Variants in CNTN3 observed in about 807,000 individuals in gnomAD.
CNTN3 encodes contactin-3.
CNTN3 carries 60 observed loss-of-function variants against 119.1 expected under a neutral mutation model. The observed-to-expected ratio is 0.50, with a 90% CI of 0.41 to 0.62. The LOEUF is 0.62. Ranked by LOEUF, CNTN3 falls within the 20% of genes least tolerant of loss-of-function variation. CNTN3 has a pLI of 0.00. For synonymous variants in CNTN3, 450 were observed against 438.7 expected, an observed-to-expected ratio of 1.03 and a Z score of -0.32; for missense variants, 1,101 against 1,242.4, an observed-to-expected ratio of 0.89 and a Z score of 1.71.
chr3:74,430,189 A>C (rs1291779277), intron 4 of CNTN3, among the ~76,000 whole-genome samples: 2 of 152,216 alleles, frequency 1.3e-5, no homozygotes, highest in Non-Finnish European at 2.9e-5. Flanking sequence ...AAATCTGTAC[A>C]TAAAAGTTCG....
chr3:74,294,792 T>C lies in CNTN3; in HGVS notation c.2517+329A>G, dbSNP rs187048840. Reference sequence around the variant, plus strand: ...AGACAAAGAGCTGGAGGACAGTGACTTCCTGTTGATGAAAGTACTCTATGA... The same window carrying C: ...AGACAAAGAGCTGGAGGACAGTGACCTCCTGTTGATGAAAGTACTCTATGA... On this transcript the variant is annotated intron_variant, in intron 19 of 22. Transcript: ENST00000263665. Among the ~76,000 whole-genome samples the C allele has an allele frequency of 8.5e-4, 130 of 152,246 alleles. 2 individuals are homozygous for C. Among genetic ancestry groups the C allele is most frequent in the African/African-American group, 3.0e-3 (123 of 41,566 alleles).
At chr3:74,605,916 G>C (rs1704983636) in intron 1 of CNTN3, among the ~76,000 whole-genome samples, 1 of 152,094 alleles carries the variant, frequency 6.6e-6, no homozygotes, top group African/African-American at 2.4e-5. Context: ...AGGTATTGTG[G>C]CCACCATCTT....
At chr3:74,287,245 G>T (rs945823335) in intron 19 of CNTN3, among the ~76,000 whole-genome samples, 1 of 152,060 alleles carries the variant, frequency 6.6e-6, no homozygotes, top group Non-Finnish European at 1.5e-5. Context: ...TTTTATTTGG[G>T]TAAGTAAACA....
At chr3:74,497,156 G>A (rs1479144756) in intron 3 of CNTN3, among the ~76,000 whole-genome samples, 1 of 151,828 alleles carries the variant, frequency 6.6e-6, no homozygotes, top group Non-Finnish European at 1.5e-5. Flanking sequence ...CATGTAAAAA[G>A]ATCCACCATA....
intron 2 of CNTN3, among the ~76,000 whole-genome samples, chr3:74,520,803 G>C (rs1198805493): frequency 2.0e-5 from 3 of 151,298 alleles, no homozygotes. Flanking sequence ...TAATACCAAA[G>C]CATAATATTA....
At chr3:74,463,087 A>T (rs1006897360) in intron 4 of CNTN3, among the ~76,000 whole-genome samples, 6 of 152,108 alleles carry the variant, frequency 3.9e-5, no homozygotes, top group Admixed American at 2.0e-4. Context: ...TTAAAGGATT[A>T]TTAATTTAAA....
intron 5 of CNTN3, among the ~76,000 whole-genome samples, chr3:74,387,881 TACA>T (rs1189217911): frequency 1.3e-5 from 2 of 152,336 alleles, no homozygotes; most frequent in South Asian, 2.1e-4. Flanking sequence ...AATGACGACA[TACA>T]ACAAGGTAGG....
intron 1 of CNTN3, among the ~76,000 whole-genome samples, chr3:74,601,680 A>G (rs922749759): frequency 1.3e-5 from 2 of 152,098 alleles, no homozygotes; most frequent in Non-Finnish European, 2.9e-5. Flanking sequence ...GCTTTCGGTC[A>G]TGTGACACTG....
intron 2 of CNTN3, among the ~76,000 whole-genome samples, chr3:74,508,733 C>G (rs1050889107): frequency 1.6e-4 from 24 of 152,082 alleles, no homozygotes; most frequent in Admixed American, 1.6e-3. Flanking sequence ...TAGACATAAA[C>G]TACTACTATG....
At chr3:74,574,048 T>C (rs184637787) in intron 1 of CNTN3, among the ~76,000 whole-genome samples, 20 of 152,234 alleles carry the variant, frequency 1.3e-4, no homozygotes, top group Admixed American at 1.3e-3. Context: ...ACAACCCAAA[T>C]GTCAATCAAC....
At chr3:74,382,980 T>C (rs375196299) in intron 5 of CNTN3, among the ~76,000 whole-genome samples, 23 of 152,328 alleles carry the variant, frequency 1.5e-4, no homozygotes, top group African/African-American at 4.8e-4. Flanking sequence ...CTTTACAGTA[T>C]ACATCAATGC....
intron 4 of CNTN3, among the ~76,000 whole-genome samples, chr3:74,431,508 T>C (rs1327137495): frequency 3.9e-5 from 6 of 152,320 alleles, no homozygotes; most frequent in Middle Eastern, 6.8e-3. Flanking sequence ...TAAATGAGTT[T>C]CTTTTTGCAG....
intron 1 of CNTN3, among the ~76,000 whole-genome samples, chr3:74,601,906 C>T (rs930073389): frequency 6.6e-6 from 1 of 152,084 alleles, no homozygotes; most frequent in African/African-American, 2.4e-5. Flanking sequence ...CCTTCAGAAT[C>T]AGTTCCACCA....
intron 1 of CNTN3, among the ~76,000 whole-genome samples, 195 bp downstream of exon 1, chr3:74,614,196 C>T (rs1027187576): frequency 1.3e-5 from 2 of 152,170 alleles, no homozygotes; most frequent in African/African-American, 4.8e-5. Context: ...ATCCTCGCCC[C>T]AGAAGGGGAA....
intron 13 of CNTN3, among the ~76,000 whole-genome samples, chr3:74,326,695 T>C (rs936851743): frequency 2.6e-5 from 4 of 152,108 alleles, no homozygotes; most frequent in Non-Finnish European, 4.4e-5. Flanking sequence ...TGAGTAGCCC[T>C]AATATAAAAA....
chr3:74,513,277 A>G (rs1362296535), intron 2 of CNTN3, among the ~76,000 whole-genome samples: 1 of 152,172 alleles, frequency 6.6e-6, no homozygotes, highest in Non-Finnish European at 1.5e-5. Context: ...TTCCATGTCC[A>G]CAAGTGACAC....
intron 1 of CNTN3, among the ~76,000 whole-genome samples, chr3:74,583,059 G>C (rs1704539689): frequency 6.6e-6 from 1 of 152,114 alleles, no homozygotes; most frequent in Admixed American, 6.6e-5. Flanking sequence ...GGCAGGGCTA[G>C]AAAAATAGTT....
chr3:74,285,354 G>T lies in CNTN3; in HGVS notation c.2655C>A (p.Ala885=). Residue 885 remains alanine, a synonymous_variant, in exon 20 of 23, where the codon GCC becomes GCA. Coordinates refer to ENST00000263665, the MANE Select transcript of CNTN3 (RefSeq NM_020872.3). ...CTGTGGCGCTAAAAGGCCCAGCGCC[G>T]GCACTGTTGTAAGCCCGGACAGCCG... ...YYTAVRAYNS[A]GAGPFSATVN... 2 of 1,612,908 alleles carry T rather than the reference G, an allele frequency of 1.2e-6. No individual in the cohort carries two copies. The highest frequency in any genetic ancestry group is 1.7e-6 in the Non-Finnish European group (2 of 1,179,458).
intron 11 of CNTN3, among the ~76,000 whole-genome samples, chr3:74,347,662 G>A (rs1364025961): frequency 6.6e-6 from 1 of 152,168 alleles, no homozygotes; most frequent in Non-Finnish European, 1.5e-5. Context: ...CCATGAAGAA[G>A]AGACCATGTC....
Sources: gnomAD v4.1 joint callset for allele counts (sites outside exome capture counted in the v4.1 genomes callset) on GRCh38, gnomAD v4.1.1 for gene constraint, MANE v1.5 for transcripts, NCBI Gene and HGNC (gene_info 2026-07-23, HGNC 2026-07-21) for gene names.